The following PLA2G4E variants were observed in gnomAD, a reference collection of about 807,000 sequenced individuals.
PLA2G4E encodes phospholipase A2 group IVE, also known as cytosolic phospholipase A2 epsilon.
A neutral mutation model predicts 109.1 loss-of-function variants in PLA2G4E; 84 were observed. The observed-to-expected ratio is 0.77, with a 90% confidence interval of 0.65 to 0.92. The LOEUF (loss-of-function observed/expected upper bound fraction) is 0.92. Among genes scored for constraint, PLA2G4E ranks in the 40% least tolerant of loss-of-function variants. The probability of loss-of-function intolerance (pLI) is 0.00; values close to 1 mark genes in which losing one functional copy is unlikely to be tolerated. For synonymous variants in PLA2G4E, 469 were observed against 436.1 expected (o/e 1.08, Z -0.94); for missense variants, 1,057 against 1,076.6 (o/e 0.98, Z 0.25).
chr15:41,987,182 A>G, exon 17 of PLA2G4E: 1 of 1,613,612 alleles, frequency 6.2e-7, no homozygotes. Flanking sequence ...CTTTCCACCT[A>G]GAGAACTGGC....
At chr15:42,006,800 T>C (rs1235871761) in intron 3 of PLA2G4E, among the ~76,000 whole-genome samples, 1 of 152,110 alleles carries the variant, frequency 6.6e-6, no homozygotes, top group Non-Finnish European at 1.5e-5. Context: ...TAAATACATC[T>C]AGTGGACATA....
intron 1 of PLA2G4E, among the ~76,000 whole-genome samples, chr15:42,044,250 G>T (rs561471813): frequency 6.6e-6 from 1 of 152,266 alleles, no homozygotes; most frequent in Admixed American, 6.5e-5. Context: ...CTGATTTGGG[G>T]AGACGTCAGG....
chr15:42,003,873 TTC>T (rs964043873), intron 5 of PLA2G4E, among the ~76,000 whole-genome samples: 5 of 150,228 alleles, frequency 3.3e-5, no homozygotes, highest in African/African-American at 9.7e-5. Flanking sequence ...CTTTCTTTCT[TTC>T]TTTCTTCCTT....
At chr15:41,997,013 A>G (rs1182970010) in intron 11 of PLA2G4E, 111 bp downstream of exon 11, 5 of 1,354,558 alleles carry the variant, frequency 3.7e-6, no homozygotes, top group Admixed American at 3.0e-5. Context: ...TCAGCAGTAA[A>G]AGCATCCATG....
chr15:42,004,083 G>A (rs2068448527), intron 5 of PLA2G4E, among the ~76,000 whole-genome samples: 1 of 152,142 alleles, frequency 6.6e-6, no homozygotes, highest in Admixed American at 6.5e-5. Flanking sequence ...GGCCGAGGCA[G>A]GTGGATCACC....
intron 18 of PLA2G4E, among the ~76,000 whole-genome samples, chr15:41,985,457 T>C (rs908297482): frequency 2.0e-5 from 3 of 152,210 alleles, no homozygotes; most frequent in African/African-American, 7.2e-5. Context: ...GAGGGTCATA[T>C]ACCCTGGGGG....
At position 42,002,645 on chromosome 15, in the gene PLA2G4E, GA is replaced by G. The variant is rs1566840961; in HGVS notation, c.609+8del. 6.3e-7 allele frequency: 1 copy of G among 1,581,812 alleles called. No individual in the cohort carries two copies. The highest frequency in any genetic ancestry group is 1.2e-5 in the South Asian group (1 of 85,994). ...CTCTGGAGCTACAGGAACCCAGGAA[GA>G]TAATTACCACCAGCACGCCATTGGT... is the stretch of plus-strand genomic sequence containing the variant. On this transcript the variant is annotated splice_region_variant and intron_variant, in intron 6 of 19. Transcript: ENST00000399518.
rs780149551 is a variant in PLA2G4E, at chr15:42,013,672, G to A, written c.256+13C>T. 1.3e-6 allele frequency: 2 copies of A among 1,547,452 alleles called. No homozygotes were observed. Among genetic ancestry groups the A allele is most frequent in the East Asian group, 4.9e-5 (2 of 40,892 alleles). ...GGTAAGCAGAGAAGGAGAGAAGTGA[G>A]GTGGATACTCACGCATATCAGCCTG... On this transcript the variant is annotated intron_variant, in intron 2 of 19. Coordinates refer to ENST00000399518, the Ensembl canonical transcript of PLA2G4E.
chr15:42,004,918 C>A lies in PLA2G4E; in HGVS notation c.566+20G>T. 6.3e-7 allele frequency: 1 copy of A among 1,595,828 alleles called. No homozygotes were observed. On this transcript the variant is annotated intron_variant, in intron 5 of 19. Transcript: ENST00000399518. ...TGATGGCCAGGACCTTGGTGGGCCC[C>A]GGGGCCTGGGCCTACTCACCTCTCC...
chr15:42,043,620 TACA>T (rs924740146), intron 1 of PLA2G4E, among the ~76,000 whole-genome samples: 1 of 148,394 alleles, frequency 6.7e-6, no homozygotes, highest in South Asian at 2.1e-4. Context: ...ACAAAAAGCT[TACA>T]ACAACAACAG....
chr15:42,013,980 C>T (rs1324430525), intron 1 of PLA2G4E, among the ~76,000 whole-genome samples: 1 of 150,914 alleles, frequency 6.6e-6, no homozygotes, highest in Non-Finnish European at 1.5e-5. Flanking sequence ...CAACCTCTGC[C>T]TCCCAGGTTC....
At chr15:42,028,492 C>T (rs1167033360) in intron 1 of PLA2G4E, among the ~76,000 whole-genome samples, 1 of 151,904 alleles carries the variant, frequency 6.6e-6, no homozygotes, top group East Asian at 1.9e-4. Context: ...CTGCAACCTC[C>T]ACCTCCTGGC....
At chr15:42,001,083 G>C (rs1232320589) in intron 7 of PLA2G4E, 74 bp downstream of exon 7, 16 of 1,452,500 alleles carry the variant, frequency 1.1e-5, no homozygotes, top group Non-Finnish European at 1.5e-5. Context: ...GGACTAGGTG[G>C]AGTCTGATGC....
intron 8 of PLA2G4E, 35 bp downstream of exon 8, chr15:42,000,069 C>G (rs930124583): frequency 6.4e-7 from 1 of 1,574,306 alleles, no homozygotes; most frequent in East Asian, 2.4e-5. Flanking sequence ...CTGTCCCAGT[C>G]CCCCACACCT....
chr15:42,015,100 G>A (rs1433684748), intron 1 of PLA2G4E, among the ~76,000 whole-genome samples: 2 of 152,154 alleles, frequency 1.3e-5, no homozygotes, highest in African/African-American at 2.4e-5. Context: ...AGCCCTCCCT[G>A]GGCTGCAGTG....
rs773152720 is a variant in PLA2G4E at position 41,989,568 on chromosome 15, C to G, written c.1586-16G>C. Reference sequence around the variant, plus strand: ...TCGAACCACTCTGCACATGAAGCAGCAGGACGGGGGTCAGTCTCAGGCCAG... The same window carrying G: ...TCGAACCACTCTGCACATGAAGCAGGAGGACGGGGGTCAGTCTCAGGCCAG... On this transcript the variant is annotated splice_polypyrimidine_tract_variant and intron_variant, in intron 14 of 19. Transcript: ENST00000399518. 1.2e-6 allele frequency: 2 copies of G among 1,610,002 alleles called. No homozygotes were observed. Among genetic ancestry groups the G allele is most frequent in the South Asian group, 2.2e-5 (2 of 90,648 alleles).
At chr15:41,999,973 G>T (rs769239931) in exon 9 of PLA2G4E, 2 of 1,610,702 alleles carry the variant, frequency 1.2e-6, no homozygotes, top group South Asian at 2.2e-5. Flanking sequence ...TGGCTGATGG[G>T]GCCCTTCTTG....
chr15:42,041,760 C>CTG lies in PLA2G4E; in HGVS notation c.183+8759_183+8760dup, dbSNP rs537819983. The stretch of plus-strand genomic sequence containing the variant: ...TGGGTCTCTTTGAGGGGAACTGGCT[C>CTG]TGTGTGTGTGTGTGGAGGGACAGAG... On this transcript the variant is annotated intron_variant, in intron 1 of 19. Transcript: ENST00000399518. Among the ~76,000 whole-genome samples, 127 of 151,872 alleles carry CTG rather than the reference C, an allele frequency of 8.4e-4. 4 individuals carry two copies. In the South Asian group the frequency reaches 0.02, roughly 24 times the overall value.
intron 1 of PLA2G4E, among the ~76,000 whole-genome samples, chr15:42,016,526 G>C (rs1044189379): frequency 2.0e-5 from 3 of 151,912 alleles, no homozygotes; most frequent in African/African-American, 7.3e-5. Context: ...TAGTAGAGAC[G>C]CAGTTTCACC....
Sources: allele counts gnomAD v4.1 joint callset (sites outside exome capture counted in the v4.1 genomes callset), GRCh38; gene constraint gnomAD v4.1.1; transcripts MANE v1.5; gene names NCBI Gene and HGNC (gene_info 2026-07-23, HGNC 2026-07-21).